LINGO2: variants seen among roughly 807,000 people sequenced by gnomAD.
The protein encoded by LINGO2 is leucine-rich repeat and immunoglobulin-like domain-containing nogo receptor-interacting protein 2.
In LINGO2, 14 loss-of-function variants were observed where a neutral mutation model predicts 30.6. The observed-to-expected ratio is 0.46, with a 90% CI of 0.30 to 0.72. The LOEUF (loss-of-function observed/expected upper bound fraction) is 0.72, where lower values mean the gene tolerates loss of function less well. Among genes scored for constraint, LINGO2 ranks in the 30% least tolerant of loss-of-function variants. The pLI is 0.07. For synonymous variants in LINGO2, 317 were observed against 288.5 expected (o/e 1.10, Z -1.00); for missense variants, 729 against 751.7 (o/e 0.97, Z 0.35).
At chr9:29,193,896 C>A in the LINGO2 span, among the ~76,000 whole-genome samples, 1 of 152,156 alleles carries the variant, frequency 6.6e-6, no homozygotes, top group Non-Finnish European at 1.5e-5. Flanking sequence ...TGTAAAGGGG[C>A]AATTCTACTG....
the LINGO2 span, among the ~76,000 whole-genome samples, chr9:28,704,870 C>G: frequency 6.6e-6 from 1 of 152,028 alleles, no homozygotes; most frequent in African/African-American, 2.4e-5. Flanking sequence ...AATTCCTGGT[C>G]TAATAATTCC....
chr9:28,880,615 T>C, the LINGO2 span, among the ~76,000 whole-genome samples: 3 of 152,118 alleles, frequency 2.0e-5, no homozygotes, highest in Non-Finnish European at 4.4e-5. Context: ...GAGAAAGACC[T>C]GACCGTCACC....
the LINGO2 span, among the ~76,000 whole-genome samples, chr9:28,697,389 T>G: frequency 6.6e-6 from 1 of 151,990 alleles, no homozygotes; most frequent in Admixed American, 6.6e-5. Flanking sequence ...GAATTTCACT[T>G]TACAGAATAA....
intron 2 of LINGO2, among the ~76,000 whole-genome samples, chr9:28,397,028 A>G (rs1189996197): frequency 6.6e-6 from 1 of 152,116 alleles, no homozygotes; most frequent in African/African-American, 2.4e-5. Flanking sequence ...ATTTATATGT[A>G]AAAAGATGAT....
At chr9:28,571,499 AT>A (rs1823691471) in intron 1 of LINGO2, among the ~76,000 whole-genome samples, 1 of 152,028 alleles carries the variant, frequency 6.6e-6, no homozygotes, top group Admixed American at 6.6e-5. Context: ...ATTCTCTCTA[AT>A]TCATAAAACA....
chr9:28,223,788 G>C (rs768885029), intron 4 of LINGO2, among the ~76,000 whole-genome samples: 1 of 152,014 alleles, frequency 6.6e-6, no homozygotes. Flanking sequence ...AATAAAGAGA[G>C]AAAAAAGACA....
chr9:28,861,243 T>A, the LINGO2 span, among the ~76,000 whole-genome samples: 6 of 92,790 alleles, frequency 6.5e-5, no homozygotes, highest in African/African-American at 3.0e-4. Context: ...TAATATATAT[T>A]TTTTATACAA....
At chr9:28,003,953 T>C (rs1482752534) in intron 5 of LINGO2, among the ~76,000 whole-genome samples, 1 of 152,206 alleles carries the variant, frequency 6.6e-6, no homozygotes, top group Non-Finnish European at 1.5e-5. Flanking sequence ...CAAACATTGC[T>C]GGTTGAATAT....
intron 4 of LINGO2, among the ~76,000 whole-genome samples, chr9:28,273,697 T>G (rs932848351): frequency 2.0e-5 from 3 of 152,194 alleles, no homozygotes; most frequent in Non-Finnish European, 4.4e-5. Context: ...GGGCAACTAA[T>G]GGTCCCATAA....
At chr9:28,731,458 T>A in the LINGO2 span, among the ~76,000 whole-genome samples, 1 of 152,198 alleles carries the variant, frequency 6.6e-6, no homozygotes, top group Non-Finnish European at 1.5e-5. Flanking sequence ...ATATATTTTA[T>A]AGTTCCATTT....
chr9:28,359,052 C>A (rs944619815), intron 3 of LINGO2, among the ~76,000 whole-genome samples: 1 of 152,056 alleles, frequency 6.6e-6, no homozygotes, highest in African/African-American at 2.4e-5. Flanking sequence ...GCGCAAGATG[C>A]CCTTGAAAAT....
chr9:29,101,784 G>A, the LINGO2 span, among the ~76,000 whole-genome samples: 35,774 of 151,642 alleles, frequency 0.24, 4,340 homozygotes, highest in East Asian at 0.4. Flanking sequence ...GTGTCTATGT[G>A]CCACATTTTC....
At chr9:28,540,069 G>T (rs1821608720) in intron 1 of LINGO2, among the ~76,000 whole-genome samples, 1 of 152,068 alleles carries the variant, frequency 6.6e-6, no homozygotes, top group Non-Finnish European at 1.5e-5. Context: ...GAGGGAGATA[G>T]GAAGTCTAAA....
At chr9:28,634,341 A>T (rs376891570) in intron 1 of LINGO2, among the ~76,000 whole-genome samples, 1 of 152,132 alleles carries the variant, frequency 6.6e-6, no homozygotes, top group Non-Finnish European at 1.5e-5. Context: ...AGTTCTCTAG[A>T]GGTCCATGCA....
the LINGO2 span, among the ~76,000 whole-genome samples, chr9:29,045,867 T>G: frequency 2.6e-5 from 4 of 152,188 alleles, no homozygotes; most frequent in Admixed American, 6.5e-5. Flanking sequence ...CCTCCCTGGT[T>G]GGCTATATTC....
At chr9:28,194,657 A>G (rs753260038) in intron 4 of LINGO2, among the ~76,000 whole-genome samples, 1 of 151,938 alleles carries the variant, frequency 6.6e-6, no homozygotes, top group East Asian at 1.9e-4. Flanking sequence ...ACTATCTTAG[A>G]AATGTATGGA....
chr9:28,475,444 C>A (rs756176259), intron 2 of LINGO2, among the ~76,000 whole-genome samples: 41 of 152,060 alleles, frequency 2.7e-4, no homozygotes, highest in Non-Finnish European at 5.0e-4. Flanking sequence ...TAATAGCAAA[C>A]TTTCTTTATC....
At chr9:29,180,729 C>T in the LINGO2 span, among the ~76,000 whole-genome samples, 1 of 152,130 alleles carries the variant, frequency 6.6e-6, no homozygotes, top group Non-Finnish European at 1.5e-5. Flanking sequence ...TATCTGAAAA[C>T]ATCTCGTTCA....
the LINGO2 span, among the ~76,000 whole-genome samples, chr9:28,861,136 AT>A: frequency 7.1e-5 from 8 of 113,120 alleles, no homozygotes; most frequent in South Asian, 1.2e-3. Flanking sequence ...AATTATATAA[AT>A]TTTTATATAA....
Sources: gnomAD v4.1 joint callset for allele counts (sites outside exome capture counted in the v4.1 genomes callset) on GRCh38, gnomAD v4.1.1 for gene constraint, MANE v1.5 for transcripts, NCBI Gene and HGNC (gene_info 2026-07-23, HGNC 2026-07-21) for gene names.